CERS3: variants seen among roughly 807,000 people sequenced by gnomAD.
CERS3 encodes LAG1 homolog, ceramide synthase 3.
Under a neutral mutation model 50.3 loss-of-function variants are expected in CERS3, and 33 were observed. The ratio of observed to expected loss-of-function variants is 0.66; its 90% CI spans 0.50 to 0.88. The LOEUF (loss-of-function observed/expected upper bound fraction) is 0.88. Ranked by LOEUF, CERS3 falls within the 40% of genes least tolerant of loss-of-function variation. CERS3 has a pLI of 0.00. For synonymous variants in CERS3, 176 were observed against 155.2 expected (o/e 1.13, Z -0.99); for missense variants, 470 against 460.3 (o/e 1.02, Z -0.19).
chr15:100,432,673 G>A (rs915904688), intron 11 of CERS3, among the ~76,000 whole-genome samples: 1 of 152,194 alleles, frequency 6.6e-6, no homozygotes, highest in Admixed American at 6.5e-5. Context: ...GAACAAGAGA[G>A]TGATGAGGTA....
At chr15:100,469,308 G>A in intron 10 of CERS3, 70 bp downstream of exon 10, 1 of 1,139,510 alleles carries the variant, frequency 8.8e-7, no homozygotes, top group Non-Finnish European at 1.3e-6. Flanking sequence ...GCAATGCCCT[G>A]AGGGTAACCA....
intron 2 of CERS3, among the ~76,000 whole-genome samples, chr15:100,508,923 TA>T (rs1224142608): frequency 2.0e-5 from 3 of 152,218 alleles, no homozygotes; most frequent in South Asian, 2.1e-4. Flanking sequence ...TTTATTTACA[TA>T]AAAAAATCTG....
chr15:100,515,824 T>C (rs961084113), intron 2 of CERS3, among the ~76,000 whole-genome samples: 9 of 152,184 alleles, frequency 5.9e-5, no homozygotes, highest in African/African-American at 1.9e-4. Context: ...GTTGCAAAAC[T>C]GAGAAATGTT....
At chr15:100,496,114 T>C (rs2142313071) in intron 3 of CERS3, among the ~76,000 whole-genome samples, 1 of 152,328 alleles carries the variant, frequency 6.6e-6, no homozygotes, top group East Asian at 1.9e-4. Context: ...GCATTCCTCT[T>C]CATTGCAGAA....
intron 10 of CERS3, among the ~76,000 whole-genome samples, chr15:100,467,529 G>A (rs2034786425): frequency 6.6e-6 from 1 of 151,664 alleles, no homozygotes; most frequent in African/African-American, 2.4e-5. Flanking sequence ...ATATTCTCTG[G>A]CCTTTTAAAG....
intron 1 of CERS3, among the ~76,000 whole-genome samples, chr15:100,540,582 T>C (rs763863385): frequency 1.4e-4 from 21 of 152,212 alleles, no homozygotes; most frequent in Non-Finnish European, 2.9e-4. Flanking sequence ...CTAAACTCTT[T>C]ATGCTAATTA....
intron 11 of CERS3, among the ~76,000 whole-genome samples, chr15:100,420,897 A>G (rs1298263076): frequency 6.6e-6 from 1 of 150,656 alleles, no homozygotes; most frequent in Non-Finnish European, 1.5e-5. Flanking sequence ...TCATGCTAAA[A>G]ACTCTCAATA....
intron 2 of CERS3, among the ~76,000 whole-genome samples, chr15:100,514,087 C>T (rs1312638141): frequency 6.6e-6 from 1 of 152,178 alleles, no homozygotes; most frequent in Non-Finnish European, 1.5e-5. Flanking sequence ...ACTTAACTAG[C>T]CATGTGCCCA....
At chr15:100,491,056 G>A (rs1653454843) in intron 3 of CERS3, 125 bp from the exon 4 acceptor site, 2 of 598,404 alleles carry the variant, frequency 3.3e-6, no homozygotes, top group East Asian at 6.1e-5. Context: ...TGACACTGGG[G>A]CTACGTACAG....
chr15:100,432,502 A>G (rs1457410562), intron 11 of CERS3, among the ~76,000 whole-genome samples: 1 of 152,244 alleles, frequency 6.6e-6, no homozygotes, highest in Non-Finnish European at 1.5e-5. Flanking sequence ...AATTAACAGC[A>G]TAATGCGACT....
rs531633644 is a variant in CERS3, at chr15:100,427,184, C to T, written c.1000-24319G>A. Among the ~76,000 whole-genome samples, 370 of 152,208 alleles carry T rather than the reference C, an allele frequency of 2.4e-3. 3 individuals carry two copies. The highest frequency in any genetic ancestry group is 6.8e-3 in the Middle Eastern group (2 of 294). ...GTCCTGAGAGACCTCTTCTGACATA[C>T]GGTCCTCTGCAGCAGGCCTTGTGAT... On this transcript the variant is annotated intron_variant, in intron 11 of 11. Transcript: ENST00000679737.
chr15:100,489,768 G>A (rs2035595671), intron 4 of CERS3, among the ~76,000 whole-genome samples: 1 of 152,174 alleles, frequency 6.6e-6, no homozygotes, highest in Admixed American at 6.5e-5. Flanking sequence ...AACATATAAA[G>A]ATGGCTTGTC....
intron 1 of CERS3, among the ~76,000 whole-genome samples, chr15:100,539,701 G>A (rs1412611546): frequency 3.3e-5 from 5 of 152,194 alleles, no homozygotes; most frequent in South Asian, 2.1e-4. Flanking sequence ...TATAATTTAA[G>A]ATGAGATTTG....
chr15:100,540,746 T>C (rs1453763564), intron 1 of CERS3, among the ~76,000 whole-genome samples: 2 of 152,200 alleles, frequency 1.3e-5, no homozygotes, highest in Non-Finnish European at 2.9e-5. Flanking sequence ...CAGTAAGCTC[T>C]TCATCCTATG....
chr15:100,454,975 T>C (rs1287757931), intron 11 of CERS3, among the ~76,000 whole-genome samples: 2 of 151,984 alleles, frequency 1.3e-5, no homozygotes, highest in African/African-American at 4.8e-5. Context: ...AACAGACATG[T>C]GAAAAAATGC....
chr15:100,481,687 C>T (rs1443480258), intron 5 of CERS3, among the ~76,000 whole-genome samples: 1 of 152,168 alleles, frequency 6.6e-6, no homozygotes, highest in South Asian at 2.1e-4. Context: ...TGCTAACAGC[C>T]AATATCCTAA....
At chr15:100,408,334 G>T (rs143810841) in intron 11 of CERS3, among the ~76,000 whole-genome samples, 82 of 152,222 alleles carry the variant, frequency 5.4e-4, no homozygotes, top group African/African-American at 2.0e-3. Flanking sequence ...GATGACATTT[G>T]AGTTACCAGT....
chr15:100,496,597 T>C (rs112774488), intron 3 of CERS3, among the ~76,000 whole-genome samples: 6 of 152,186 alleles, frequency 3.9e-5, no homozygotes, highest in Non-Finnish European at 7.4e-5. Context: ...ATAATCGTGG[T>C]GATGCTTGCA....
chr15:100,416,544 C>T (rs183709592), intron 11 of CERS3, among the ~76,000 whole-genome samples: 30 of 152,282 alleles, frequency 2.0e-4, no homozygotes, highest in Non-Finnish European at 2.1e-4. Flanking sequence ...ACTCATAGTT[C>T]CACATGGCTG....
Sources: gnomAD v4.1 joint callset for allele counts (sites outside exome capture counted in the v4.1 genomes callset) on GRCh38, gnomAD v4.1.1 for gene constraint, MANE v1.5 for transcripts, NCBI Gene and HGNC (gene_info 2026-07-23, HGNC 2026-07-21) for gene names.